The following FGF10 variants were observed in gnomAD, a reference collection of about 807,000 sequenced individuals.
FGF10 encodes the protein FGF-10.
In FGF10, 2 loss-of-function variants were observed where a neutral mutation model predicts 19.8. That is an observed-to-expected ratio of 0.10 (90% confidence interval 0.04 to 0.32). The LOEUF (loss-of-function observed/expected upper bound fraction) is 0.32. FGF10 is among the 10% of genes least tolerant of loss of function. The probability of loss-of-function intolerance (pLI) is 1.00; values close to 1 mark genes in which losing one functional copy is unlikely to be tolerated. For missense variants in FGF10, 191 were observed against 246.3 expected, an observed-to-expected ratio of 0.78 and a Z score of 1.50; for synonymous variants, 112 against 94.0, an observed-to-expected ratio of 1.19 and a Z score of -1.10.
intron 1 of FGF10, among the ~76,000 whole-genome samples, chr5:44,314,638 T>C (rs1740294534): frequency 1.3e-5 from 2 of 152,208 alleles, no homozygotes; most frequent in South Asian, 4.1e-4. Context: ...AATACTCATA[T>C]ATATAATTGT....
chr5:44,311,253 C>G (rs1740203480), intron 1 of FGF10, among the ~76,000 whole-genome samples: 1 of 151,732 alleles, frequency 6.6e-6, no homozygotes, highest in Non-Finnish European at 1.5e-5. Context: ...TCCCCTTATA[C>G]ACAAGTTTCG....
chr5:44,334,138 TC>T (rs1740795304), intron 1 of FGF10, among the ~76,000 whole-genome samples: 1 of 152,078 alleles, frequency 6.6e-6, no homozygotes, highest in Non-Finnish European at 1.5e-5. Flanking sequence ...GTTTTCCACT[TC>T]CAGGCAAGCA....
At chr5:44,367,219 T>C (rs1219553072) in intron 1 of FGF10, among the ~76,000 whole-genome samples, 1 of 152,042 alleles carries the variant, frequency 6.6e-6, no homozygotes, top group Non-Finnish European at 1.5e-5. Flanking sequence ...TTTTTTCATC[T>C]GTTTCTTTTT....
chr5:44,335,822 C>T (rs1180348405), intron 1 of FGF10, among the ~76,000 whole-genome samples: 1 of 151,820 alleles, frequency 6.6e-6, no homozygotes, highest in Non-Finnish European at 1.5e-5. Context: ...CTAGGCATAC[C>T]CATTTTAGTA....
At chr5:44,375,917 T>C (rs1426931301) in intron 1 of FGF10, among the ~76,000 whole-genome samples, 1 of 152,174 alleles carries the variant, frequency 6.6e-6, no homozygotes, top group African/African-American at 2.4e-5. Flanking sequence ...AAACATAGTA[T>C]GGGTATAACA....
intron 1 of FGF10, among the ~76,000 whole-genome samples, chr5:44,358,886 A>C (rs1177358353): frequency 1.3e-5 from 2 of 151,588 alleles, no homozygotes; most frequent in African/African-American, 4.8e-5. Flanking sequence ...CTACTTTAGA[A>C]GCCAAGAGAA....
intron 1 of FGF10, among the ~76,000 whole-genome samples, chr5:44,373,792 C>T (rs1459601273): frequency 6.6e-6 from 1 of 152,156 alleles, no homozygotes; most frequent in African/African-American, 2.4e-5. Flanking sequence ...CTTTTATCCT[C>T]ATATTTCTAA....
chr5:44,315,619 T>C (rs1193653372), intron 1 of FGF10, among the ~76,000 whole-genome samples: 2 of 152,198 alleles, frequency 1.3e-5, no homozygotes, highest in Non-Finnish European at 1.5e-5. Flanking sequence ...AACTTGAAAT[T>C]GATTATAATG....
chr5:44,309,710 T>C (rs1306109190), intron 2 of FGF10, among the ~76,000 whole-genome samples: 1 of 152,244 alleles, frequency 6.6e-6, no homozygotes, highest in South Asian at 2.1e-4. Context: ...TTTGGCATTT[T>C]AAGTGAGATC....
chr5:44,369,830 A>C (rs1295096733), intron 1 of FGF10, among the ~76,000 whole-genome samples: 1 of 152,156 alleles, frequency 6.6e-6, no homozygotes, highest in Non-Finnish European at 1.5e-5. Flanking sequence ...ATATGTGCAA[A>C]AATACAAAAT....
At chr5:44,387,025 T>G (rs990389531) in intron 1 of FGF10, among the ~76,000 whole-genome samples, 71 of 152,286 alleles carry the variant, frequency 4.7e-4, no homozygotes, top group Non-Finnish European at 3.1e-4. Context: ...CCTGAACAAC[T>G]AACACAAAAA....
At chr5:44,386,058 C>T (rs908219163) in intron 1 of FGF10, among the ~76,000 whole-genome samples, 5 of 151,972 alleles carry the variant, frequency 3.3e-5, no homozygotes, top group African/African-American at 1.2e-4. Flanking sequence ...TATGTTATCA[C>T]AGAGAAAATA....
At chr5:44,386,850 GA>G (rs1433661353) in intron 1 of FGF10, among the ~76,000 whole-genome samples, 1 of 152,132 alleles carries the variant, frequency 6.6e-6, no homozygotes, top group Non-Finnish European at 1.5e-5. Flanking sequence ...CCCCACAGAA[GA>G]AAACTAAATT....
intron 1 of FGF10, among the ~76,000 whole-genome samples, chr5:44,334,209 G>C (rs1448043): frequency 0.12 from 18,147 of 151,934 alleles, 2,677 homozygotes; most frequent in African/African-American, 0.34. Context: ...TGAGGATATA[G>C]TGCCCTATCC....
At chr5:44,386,111 C>T (rs1742090927) in intron 1 of FGF10, among the ~76,000 whole-genome samples, 2 of 152,052 alleles carry the variant, frequency 1.3e-5, no homozygotes, top group Non-Finnish European at 1.5e-5. Flanking sequence ...AACTTTTCTA[C>T]ACCCCTTTTA....
At chr5:44,358,978 T>C (rs1338353176) in intron 1 of FGF10, among the ~76,000 whole-genome samples, 1 of 151,554 alleles carries the variant, frequency 6.6e-6, no homozygotes, top group African/African-American at 2.4e-5. Flanking sequence ...GACCCTCTGC[T>C]TTTGTGGTAC....
intron 1 of FGF10, among the ~76,000 whole-genome samples, chr5:44,375,259 G>A (rs533608997): frequency 1.3e-5 from 2 of 152,302 alleles, no homozygotes; most frequent in South Asian, 4.1e-4. Flanking sequence ...AACTAGATGG[G>A]TAAACAGTCA....
intron 1 of FGF10, among the ~76,000 whole-genome samples, chr5:44,323,453 A>AC (rs902431510): frequency 2.6e-5 from 4 of 152,200 alleles, no homozygotes; most frequent in African/African-American, 9.6e-5. Context: ...GGGAAAAGCA[A>AC]CACTGGGCTA....
chr5:44,379,472 G>T (rs1171949605), intron 1 of FGF10, among the ~76,000 whole-genome samples: 1 of 152,144 alleles, frequency 6.6e-6, no homozygotes, highest in South Asian at 2.1e-4. Flanking sequence ...CTCTTACCTC[G>T]CAGTTTGCCT....
Sources: allele counts gnomAD v4.1 joint callset (sites outside exome capture counted in the v4.1 genomes callset), GRCh38; gene constraint gnomAD v4.1.1; transcripts MANE v1.5; gene names NCBI Gene and HGNC (gene_info 2026-07-23, HGNC 2026-07-21).